MPRIP: variants seen among roughly 807,000 people sequenced by gnomAD.
MPRIP encodes myosin phosphatase Rho-interacting protein.
MPRIP carries 59 observed loss-of-function variants against 234.9 expected under a neutral mutation model. The observed-to-expected ratio is 0.25, with a 90% confidence interval of 0.20 to 0.31. MPRIP has a LOEUF of 0.31. MPRIP is among the 10% of genes least tolerant of loss of function. The pLI is 1.00. For synonymous variants in MPRIP, 1,144 were observed against 1,263.9 expected (o/e 0.91, Z 2.01); for missense variants, 2,436 against 3,071.0 (o/e 0.79, Z 4.89).
At chr17:17,125,461 G>A (rs1265240917) in intron 3 of MPRIP, among the ~76,000 whole-genome samples, 2 of 152,236 alleles carry the variant, frequency 1.3e-5, no homozygotes, top group Admixed American at 6.5e-5. Context: ...GCTCTGCAAA[G>A]CCAGCAGCCC....
Position 17,158,734 on chromosome 17 carries a change from G to A in MPRIP, c.2132G>A (p.Arg711His), listed in dbSNP as rs758920716. ...RERARRREER[R>H]KRFGMLDATD... is the part of the protein sequence containing the mutation. Reference sequence around the variant, plus strand: ...CGTGCACGGAGGCGGGAGGAGCGCCGCAAGCGCTTCGGGATGCTCGACGCC... The same window carrying A: ...CGTGCACGGAGGCGGGAGGAGCGCCACAAGCGCTTCGGGATGCTCGACGCC... The change falls in exon 14 of 24, where the codon CGC (arginine) becomes CAC (histidine). Residue 711 changes from arginine to histidine, a missense_variant. Physicochemically the swap from Arg to His is conservative, Grantham distance 29. Coordinates refer to ENST00000651222, the MANE Select transcript of MPRIP (RefSeq NM_001364716.4). 3 of 1,610,830 alleles carry A rather than the reference G, an allele frequency of 1.9e-6. No individual in the cohort carries two copies. The highest frequency in any genetic ancestry group is 1.7e-6 in the Non-Finnish European group (2 of 1,179,738).
intron 3 of MPRIP, among the ~76,000 whole-genome samples, chr17:17,093,522 T>C (rs1243659110): frequency 6.6e-6 from 1 of 152,172 alleles, no homozygotes; most frequent in Non-Finnish European, 1.5e-5. Context: ...TACCCATTTC[T>C]CTCCCTATCA....
At chr17:17,079,150 G>C (rs1400754676) in intron 3 of MPRIP, among the ~76,000 whole-genome samples, 1 of 152,166 alleles carries the variant, frequency 6.6e-6, no homozygotes, top group Admixed American at 6.5e-5. Context: ...GTTTGTACTC[G>C]AGTCCTAACC....
intron 7 of MPRIP, among the ~76,000 whole-genome samples, chr17:17,141,343 T>C (rs1365507146): frequency 6.6e-6 from 1 of 152,216 alleles, no homozygotes; most frequent in Non-Finnish European, 1.5e-5. Flanking sequence ...CTTCCTTAGC[T>C]TCCTGCTCTC....
chr17:17,183,253 T>C (rs1880531482), intron 23 of MPRIP: 1 of 152,308 alleles, frequency 6.6e-6, no homozygotes, highest in Non-Finnish European at 1.5e-5. Flanking sequence ...TCTCGCTCTG[T>C]CGCCCAGGCT....
chr17:17,091,787 T>C (rs1403462147), intron 3 of MPRIP, among the ~76,000 whole-genome samples: 4 of 152,106 alleles, frequency 2.6e-5, no homozygotes, highest in Non-Finnish European at 5.9e-5. Flanking sequence ...AGGTGGGATG[T>C]GTGTTGCAAG....
chr17:17,157,076 C>CCT (rs1442819009), intron 13 of MPRIP, among the ~76,000 whole-genome samples: 2 of 152,224 alleles, frequency 1.3e-5, no homozygotes, highest in East Asian at 3.8e-4. Flanking sequence ...ATTAGGGGCC[C>CCT]CTCAGTCAGC....
intron 3 of MPRIP, among the ~76,000 whole-genome samples, chr17:17,108,979 C>T (rs542080548): frequency 5.3e-4 from 80 of 152,360 alleles, no homozygotes; most frequent in African/African-American, 1.8e-3. Flanking sequence ...TCCAGTGCAA[C>T]TTCTCCCGCC....
At position 17,177,444 on chromosome 17, in the gene MPRIP, T is replaced by A. The variant is rs1229559553; in HGVS notation, c.7120+32T>A. 6 of 1,602,308 alleles carry A rather than the reference T, an allele frequency of 3.7e-6. No homozygotes were observed. In the East Asian group the frequency reaches 1.1e-4, roughly 30 times the overall value. On this transcript the variant is annotated intron_variant, in intron 22 of 23. Coordinates refer to ENST00000651222, the MANE Select transcript of MPRIP (RefSeq NM_001364716.4). ...CCTCGGGTCATGCCCTCTCGGTTAT[T>A]GCTGGGGGGCTTATGGGGGTTTGGT...
intron 1 of MPRIP, among the ~76,000 whole-genome samples, chr17:17,072,830 C>A (rs766495367): frequency 2.6e-5 from 4 of 152,168 alleles, no homozygotes; most frequent in African/African-American, 4.8e-5. Context: ...TGCCTCTGCA[C>A]CTGTGCATCA....
chr17:17,170,262 A>C (rs2704339), intron 16 of MPRIP: 150,515 of 151,446 alleles, frequency 0.99, 74,799 homozygotes, highest in East Asian at 1. Context: ...ACATACAAAC[A>C]GAAGCGAGTG....
chr17:17,043,445 G>T (rs1309101274), intron 1 of MPRIP, among the ~76,000 whole-genome samples: 1 of 152,126 alleles, frequency 6.6e-6, no homozygotes, highest in Non-Finnish European at 1.5e-5. Flanking sequence ...AGGTGAAGGG[G>T]TGTCCAAATC....
chr17:17,053,006 C>G (rs1346404200), intron 1 of MPRIP, among the ~76,000 whole-genome samples: 1 of 152,030 alleles, frequency 6.6e-6, no homozygotes, highest in African/African-American at 2.4e-5. Context: ...CCCAGCTGAG[C>G]CAGAGAAAGG....
At position 17,133,017 on chromosome 17, in the gene MPRIP, G is replaced by A. The variant is rs550970109; in HGVS notation, c.504+1316G>A. 1.2e-3 allele frequency among the ~76,000 whole-genome samples: 189 copies of A among 152,180 alleles called. 2 individuals are homozygous for A. Among genetic ancestry groups the A allele is most frequent in the African/African-American group, 4.3e-3 (178 of 41,516 alleles). The stretch of plus-strand genomic sequence containing the variant: ...AAGCGGAGCTCCTGCCTCTAATAAG[G>A]TAACTCCAAGTGCAGAAGCCGCTCT... On this transcript the variant is annotated intron_variant, in intron 5 of 23. Transcript: ENST00000651222.
intron 1 of MPRIP, among the ~76,000 whole-genome samples, chr17:17,046,007 G>T (rs2088337675): frequency 6.6e-6 from 1 of 152,098 alleles, no homozygotes. Flanking sequence ...AGGTTTCACT[G>T]TGTTAGCCAG....
At chr17:17,075,147 T>C (rs1310838247) in intron 1 of MPRIP, among the ~76,000 whole-genome samples, 1 of 152,034 alleles carries the variant, frequency 6.6e-6, no homozygotes, top group East Asian at 1.9e-4. Flanking sequence ...CACATCAGAG[T>C]CATGAGGTTT....
rs778105074 is a variant in MPRIP, at chr17:17,164,441, C to T, written c.2850C>T (p.Ser950=). The part of the protein sequence containing the change: ...ERQHSEAALS[S]QLRASEQKLK... ...AACACAGCGAGGCGGCGCTGAGCAGCCAGCTGAGGGCTAGCGAGCAGAAGC... is the reference window on the plus strand; with the variant it reads ...AACACAGCGAGGCGGCGCTGAGCAGTCAGCTGAGGGCTAGCGAGCAGAAGC... The change falls in exon 16 of 24, where the codon AGC becomes AGT. Residue 950 remains serine, a synonymous_variant. Coordinates refer to ENST00000651222, the MANE Select transcript of MPRIP (RefSeq NM_001364716.4). The T allele has an allele frequency of 9.5e-6, 12 of 1,257,462 alleles. No homozygotes were observed. Among genetic ancestry groups the T allele is most frequent in the Non-Finnish European group, 1.1e-5 (11 of 971,370 alleles). 77.9% of individuals were successfully genotyped at this position (1,257,462 alleles called of 1,614,324 possible). A position where few individuals can be genotyped will look rare whatever the true frequency, so the allele number is the denominator to read the frequency against.
intron 6 of MPRIP, among the ~76,000 whole-genome samples, chr17:17,136,940 C>T (rs2090713459): frequency 6.6e-6 from 1 of 152,184 alleles, no homozygotes; most frequent in Admixed American, 6.5e-5. Context: ...TTTGGAATTA[C>T]CTGAGCAGGA....
intron 3 of MPRIP, among the ~76,000 whole-genome samples, chr17:17,120,600 C>A (rs1360652272): frequency 6.6e-6 from 1 of 152,152 alleles, no homozygotes; most frequent in Non-Finnish European, 1.5e-5. Flanking sequence ...CAGAAGAGGA[C>A]CAGAGGCTCC....
Sources: gnomAD v4.1 joint callset for allele counts (sites outside exome capture counted in the v4.1 genomes callset) on GRCh38, gnomAD v4.1.1 for gene constraint, MANE v1.5 for transcripts, NCBI Gene and HGNC (gene_info 2026-07-23, HGNC 2026-07-21) for gene names.